Variants in AGMO observed in about 807,000 individuals in gnomAD.
AGMO encodes glyceryl-ether monooxygenase.
A neutral mutation model predicts 60.2 loss-of-function variants in AGMO; 75 were observed. The observed-to-expected ratio is 1.25, with a 90% CI of 1.03 to 1.51. The LOEUF is 1.51. AGMO is among the 40% of genes most tolerant of loss of function. The pLI is 0.00. For synonymous variants in AGMO, 261 were observed against 177.1 expected (o/e 1.47, Z -3.76); for missense variants, 763 against 525.5 (o/e 1.45, Z -4.42).
intron 12 of AGMO, among the ~76,000 whole-genome samples, chr7:15,237,614 A>G (rs923568559): frequency 3.9e-5 from 6 of 152,108 alleles, no homozygotes; most frequent in African/African-American, 7.2e-5. Flanking sequence ...TCCTTCTATA[A>G]TAAATCAAGA....
Position 15,482,809 on chromosome 7 carries a change from A to G in AGMO, c.410-51701T>C, listed in dbSNP as rs201548821. On this transcript the variant is annotated intron_variant, in intron 3 of 12. Coordinates refer to ENST00000342526, the MANE Select transcript of AGMO (RefSeq NM_001004320.2). ...GGGCAATCTGAGTGTATTTCTATTC[A>G]GGTGGGTTTGGTTAATGTTAGAGAA... Among the ~76,000 whole-genome samples, 276 of 152,334 alleles carry G rather than the reference A, an allele frequency of 1.8e-3. 2 individuals carry two copies. Among genetic ancestry groups the G allele is most frequent in the Middle Eastern group, 3.4e-3 (1 of 294 alleles).
chr7:15,144,443 CCT>C, the AGMO span, among the ~76,000 whole-genome samples: 2 of 152,040 alleles, frequency 1.3e-5, no homozygotes, highest in Non-Finnish European at 2.9e-5. Flanking sequence ...TGTTTGTTTA[CCT>C]GTTACCCAGA....
intron 3 of AGMO, among the ~76,000 whole-genome samples, chr7:15,436,117 T>G (rs1216612794): frequency 1.3e-5 from 2 of 152,104 alleles, no homozygotes; most frequent in East Asian, 1.9e-4. Flanking sequence ...AAAATGGTAG[T>G]GATGCTTGAC....
At chr7:15,186,095 G>T in the AGMO span, among the ~76,000 whole-genome samples, 3 of 152,206 alleles carry the variant, frequency 2.0e-5, no homozygotes, top group East Asian at 5.8e-4. Flanking sequence ...TCAATACCTT[G>T]GCCATTGCAG....
intron 12 of AGMO, among the ~76,000 whole-genome samples, chr7:15,213,940 G>A (rs931382686): frequency 6.6e-6 from 1 of 151,970 alleles, no homozygotes; most frequent in Non-Finnish European, 1.5e-5. Context: ...AATTTCACAG[G>A]TAAAAACATT....
chr7:15,461,833 G>A (rs772850373), intron 3 of AGMO, among the ~76,000 whole-genome samples: 5 of 151,798 alleles, frequency 3.3e-5, no homozygotes, highest in African/African-American at 4.8e-5. Flanking sequence ...AGGGCTCCTG[G>A]GAAAATAAGA....
At chr7:15,374,598 C>G (rs1783370762) in intron 10 of AGMO, among the ~76,000 whole-genome samples, 1 of 125,134 alleles carries the variant, frequency 8.0e-6, no homozygotes, top group Non-Finnish European at 1.8e-5. Flanking sequence ...GAAAAACAAA[C>G]AATAGCAATA....
intron 3 of AGMO, among the ~76,000 whole-genome samples, chr7:15,444,665 C>T (rs1466817188): frequency 6.6e-6 from 1 of 152,174 alleles, no homozygotes; most frequent in East Asian, 1.9e-4. Context: ...CCCTTGTTCT[C>T]ATCTAACTTT....
At chr7:15,321,098 C>T (rs908051001) in intron 12 of AGMO, among the ~76,000 whole-genome samples, 4 of 152,114 alleles carry the variant, frequency 2.6e-5, no homozygotes, top group African/African-American at 9.7e-5. Flanking sequence ...AGTTCAAAAG[C>T]TCCAAAATCC....
chr7:15,431,057 T>G lies in AGMO; in HGVS notation c.461A>C (p.Tyr154Ser). The G allele has an allele frequency of 1.9e-6, 3 of 1,611,566 alleles. No homozygotes were observed. ...GHQTHHSSED[Y>S]NLSTALRQSV... is the part of the protein sequence containing the mutation. ...CTGTCTCAGTGCTGTGGATAAGTTATAGTCTTCAGAACTATGATGTGTTTG... is the reference window on the plus strand; with the variant it reads ...CTGTCTCAGTGCTGTGGATAAGTTAGAGTCTTCAGAACTATGATGTGTTTG... Residue 154 changes from tyrosine (Y) to serine (S), a missense_variant, in exon 4 of 13, where the codon TAT becomes TCT. By Grantham distance (144) the Tyr-to-Ser change is moderately radical. Transcript: ENST00000342526.
chr7:15,248,222 A>ATATATC (rs1554401294), intron 12 of AGMO, among the ~76,000 whole-genome samples: 9 of 104,192 alleles, frequency 8.6e-5, no homozygotes, highest in Admixed American at 3.8e-4. Flanking sequence ...ATATATATAT[A>ATATATC]TATCTTCATC....
At chr7:15,396,329 C>G (rs940697134) in intron 5 of AGMO, 1 of 152,294 alleles carries the variant, frequency 6.6e-6, no homozygotes, top group Non-Finnish European at 1.5e-5. Flanking sequence ...TGTTCCTGGT[C>G]TCGCTGGCTT....
Position 15,344,782 on chromosome 7 carries a change from T to C in AGMO, c.1263+20732A>G, listed in dbSNP as rs79810191. ...ACTTTTCCATTAGAAATATGGTAGA[T>C]GCACTTGAGTAGTGTGATGCGTTTT... On this transcript the variant is annotated intron_variant, in intron 12 of 12. Transcript: ENST00000342526. Among the ~76,000 whole-genome samples the C allele has an allele frequency of 4.9e-3, 753 of 152,296 alleles. 10 individuals are homozygous for C. The highest frequency in any genetic ancestry group is 0.017 in the African/African-American group (708 of 41,572).
At chr7:15,164,777 A>G in the AGMO span, among the ~76,000 whole-genome samples, 1 of 152,186 alleles carries the variant, frequency 6.6e-6, no homozygotes, top group African/African-American at 2.4e-5. Context: ...AGAAAAGGGA[A>G]TGCTTATTCA....
chr7:15,246,009 G>A (rs1237535216), intron 12 of AGMO, among the ~76,000 whole-genome samples: 1 of 151,766 alleles, frequency 6.6e-6, no homozygotes, highest in African/African-American at 2.4e-5. Flanking sequence ...GTCTTACCAT[G>A]GAAAATAAAA....
chr7:15,437,999 G>A (rs1036968002), intron 3 of AGMO, among the ~76,000 whole-genome samples: 1 of 151,362 alleles, frequency 6.6e-6, no homozygotes, highest in Non-Finnish European at 1.5e-5. Context: ...TTTTTTATTC[G>A]TGTTCAGATG....
At chr7:15,437,561 GTCTGTC>G (rs1781434580) in intron 3 of AGMO, among the ~76,000 whole-genome samples, 1 of 137,448 alleles carries the variant, frequency 7.3e-6, no homozygotes, top group Non-Finnish European at 1.5e-5. Context: ...TTGAGACGGA[GTCTGTC>G]TCTGTCGCCC....
chr7:15,339,331 C>A (rs1199738593), intron 12 of AGMO, among the ~76,000 whole-genome samples: 1 of 152,100 alleles, frequency 6.6e-6, no homozygotes, highest in Non-Finnish European at 1.5e-5. Flanking sequence ...ATTAGATATC[C>A]AAATGGAATG....
chr7:15,406,669 T>C (rs558479535), intron 5 of AGMO, among the ~76,000 whole-genome samples: 3 of 75,452 alleles, frequency 4.0e-5, no homozygotes, highest in African/African-American at 1.5e-4. Context: ...ATATGGAATA[T>C]ACATATATAT....
Sources: gnomAD v4.1 joint callset for allele counts (sites outside exome capture counted in the v4.1 genomes callset) on GRCh38, gnomAD v4.1.1 for gene constraint, MANE v1.5 for transcripts, NCBI Gene and HGNC (gene_info 2026-07-23, HGNC 2026-07-21) for gene names.